Variants in ARRDC3 observed in about 807,000 individuals in gnomAD.
ARRDC3 encodes the protein arrestin domain-containing protein 3.
Under a neutral mutation model 47.2 loss-of-function variants are expected in ARRDC3, and 10 were observed. That is an observed-to-expected ratio of 0.21 (90% CI 0.13 to 0.36). ARRDC3 has a LOEUF of 0.36. Among genes scored for constraint, ARRDC3 ranks in the 10% least tolerant of loss-of-function variants. The pLI is 1.00. For synonymous variants in ARRDC3, 156 were observed against 178.3 expected, an observed-to-expected ratio of 0.87 and a Z score of 1.00; for missense variants, 381 against 503.6, an observed-to-expected ratio of 0.76 and a Z score of 2.33.
In ARRDC3 at chr5:91,379,529, A is replaced by T. The variant is rs527996152; in HGVS notation, c.281-754T>A. ...TTTTCCAACATCCTTGAAAAAAATG[A>T]AGTCTAACTATTAATAGTTTCCAGT... On this transcript the variant is annotated intron_variant, in intron 1 of 7. Transcript: ENST00000265138. Among the ~76,000 whole-genome samples the T allele has an allele frequency of 5.3e-5, 8 of 152,274 alleles. No individual in the cohort carries two copies. The South Asian group carries it at 8.3e-4, about 16-fold the overall frequency.
chr5:91,372,857 A>G (rs1192556913), intron 7 of ARRDC3, among the ~76,000 whole-genome samples: 2 of 152,218 alleles, frequency 1.3e-5, no homozygotes, highest in Non-Finnish European at 2.9e-5. Flanking sequence ...TTATTTTGGT[A>G]TCAAAACCAA....
rs199742825 is a variant in ARRDC3, at chr5:91,374,957, C to G, written c.835G>C (p.Asp279His). 1.5e-5 allele frequency: 24 copies of G among 1,614,162 alleles called. No individual in the cohort carries two copies. The highest frequency in any genetic ancestry group is 1.9e-5 in the Non-Finnish European group (23 of 1,180,012). ...TATTCCACGCGGATTATACTACAGTCGAGGATAGAGGGAGAAACTGGTGGA... is the reference window on the plus strand; with the variant it reads ...TATTCCACGCGGATTATACTACAGTGGAGGATAGAGGGAGAAACTGGTGGA... ...KIPPVSPSIL[D>H]CSIIRVEYSL... Residue 279 changes from aspartate (D) to histidine (H), a missense_variant, in exon 5 of 8, where the codon GAC (aspartate) becomes CAC (histidine). Coordinates refer to ENST00000265138, the MANE Select transcript of ARRDC3 (RefSeq NM_020801.4).
At position 91,374,109 on chromosome 5, in the gene ARRDC3, A is replaced by G. The variant is rs774572344; in HGVS notation, c.1033+5T>C. On this transcript the variant is annotated splice_donor_5th_base_variant and intron_variant, in intron 6 of 7. Transcript: ENST00000265138. The stretch of plus-strand genomic sequence containing the variant: ...ATTAAGCTTAGACGTGTATTATCAA[A>G]TTACCTTCAGGTCTTTCAGGAAGTG... 27 of 1,609,988 alleles carry G rather than the reference A, an allele frequency of 1.7e-5. No individual in the cohort carries two copies. In the Admixed American group the frequency reaches 1.9e-4, roughly 11 times the overall value.
At chr5:91,377,859 T>A (rs1799341416) in intron 2 of ARRDC3, among the ~76,000 whole-genome samples, 3 of 151,950 alleles carry the variant, frequency 2.0e-5, no homozygotes, top group African/African-American at 7.2e-5. Flanking sequence ...ATTTATGACT[T>A]CTCTCTCTAT....
At chr5:91,381,592 C>T (rs1333176553) in intron 1 of ARRDC3, among the ~76,000 whole-genome samples, 1 of 152,196 alleles carries the variant, frequency 6.6e-6, no homozygotes, top group East Asian at 1.9e-4. Flanking sequence ...TACTGTCCCT[C>T]AAAGCATCCT....
intron 1 of ARRDC3, among the ~76,000 whole-genome samples, chr5:91,381,800 C>A (rs1799463631): frequency 6.6e-6 from 1 of 152,164 alleles, no homozygotes; most frequent in African/African-American, 2.4e-5. Flanking sequence ...GGAATTAAGT[C>A]ATCGCCACCA....
At chr5:91,373,662 T>C (rs772090081) in intron 7 of ARRDC3, 22 bp downstream of exon 7, 2 of 1,584,586 alleles carry the variant, frequency 1.3e-6, no homozygotes, top group East Asian at 2.2e-5. Flanking sequence ...GTTCATTTCA[T>C]ACTTAAGGAG....
chr5:91,368,998 C>G lies in ARRDC3; in HGVS notation c.*2402G>C, dbSNP rs189701896. ...ATCTATCTTGAATACTGGAATACAA[C>G]TGTGAACCTCACATCTTATGTCAGG... On this transcript the variant is annotated 3_prime_UTR_variant, in exon 8 of 8. Transcript: ENST00000265138. 500 of 152,694 alleles carry G rather than the reference C, an allele frequency of 3.3e-3. 2 individuals carry two copies. The highest frequency in any genetic ancestry group is 0.011 in the African/African-American group (466 of 41,546). The allele number at this position is 152,694 out of a possible 1,614,324, so 9.5% of individuals were successfully genotyped here.
At chr5:91,375,807 C>T (rs7718871) in intron 3 of ARRDC3, among the ~76,000 whole-genome samples, 194 bp from the exon 4 acceptor site, 47,434 of 151,376 alleles carry the variant, frequency 0.31, 10,425 homozygotes, top group African/African-American at 0.61. Flanking sequence ...CTTTTATTTT[C>T]ATATAAATTT....
chr5:91,371,317 G>A lies in ARRDC3; in HGVS notation c.*83C>T, dbSNP rs1013733743. ...AAAGTAATTCCACTTCCTCTGAAAC[G>A]TGTCTCCAAGATACTTCTCTGTCCT... On this transcript the variant is annotated 3_prime_UTR_variant, in exon 8 of 8. Transcript: ENST00000265138. 18 of 1,223,634 alleles carry A rather than the reference G, an allele frequency of 1.5e-5. No individual in the cohort carries two copies. Among genetic ancestry groups the A allele is most frequent in the Middle Eastern group, 3.9e-4 (2 of 5,190 alleles). The allele number at this position is 1,223,634 out of a possible 1,614,324, so 75.8% of individuals were successfully genotyped here. A position where few individuals can be genotyped will look rare whatever the true frequency, so the allele number is the denominator to read the frequency against.
rs1460213001 is a variant in ARRDC3, at chr5:91,373,790, T to C, written c.1082A>G (p.Asn361Ser). ...EVVTEEQRRN[N>S]LAPVSACDDF... The stretch of plus-strand genomic sequence containing the variant: ...ATCACAAGCACTCACTGGTGCAAGA[T>C]TGTTCCGCCTTTGTTCCTCTGTTAC... The change falls in exon 7 of 8, where the codon AAT becomes AGT. Residue 361 changes from asparagine to serine, a missense_variant. Coordinates refer to ENST00000265138, the MANE Select transcript of ARRDC3 (RefSeq NM_020801.4). The C allele has an allele frequency of 3.1e-6, 5 of 1,614,096 alleles. No homozygotes were observed. The highest frequency in any genetic ancestry group is 2.2e-5 in the East Asian group (1 of 44,876).
intron 1 of ARRDC3, among the ~76,000 whole-genome samples, chr5:91,382,526 CAG>C (rs1241023657): frequency 6.6e-6 from 1 of 152,202 alleles, no homozygotes; most frequent in African/African-American, 2.4e-5. Context: ...TGGATTCAAA[CAG>C]AATTTATAAG....
chr5:91,380,742 G>C (rs1170571414), intron 1 of ARRDC3: 2 of 152,340 alleles, frequency 1.3e-5, no homozygotes, highest in Non-Finnish European at 2.9e-5. Context: ...ATCTGAAAAG[G>C]ATTTTCTGCT....
chr5:91,373,729 T>C lies in ARRDC3; in HGVS notation c.1143A>G (p.Ala381=), dbSNP rs371984244. ...FERALQGPLF[A]YIQEFRFLPP... ...GCAAGAATCGAAACTCCTGGATATA[T>C]GCAAACAGTGGTCCTTGAAGGGCTC... The change falls in exon 7 of 8, where the codon GCA becomes GCG. Residue 381 remains alanine, a synonymous_variant. Transcript: ENST00000265138. 6.2e-7 allele frequency: 1 copy of C among 1,614,098 alleles called. No individual in the cohort carries two copies. Among genetic ancestry groups the C allele is most frequent in the South Asian group, 1.1e-5 (1 of 91,084 alleles).
intron 3 of ARRDC3, among the ~76,000 whole-genome samples, chr5:91,375,906 C>CA (rs879827926): frequency 1.3e-5 from 2 of 151,810 alleles, no homozygotes; most frequent in African/African-American, 2.4e-5. Flanking sequence ...ATATAGTAAT[C>CA]AAAAACCAAC....
At chr5:91,382,685 TC>T in intron 1 of ARRDC3, 127 bp downstream of exon 1, 2 of 1,054,066 alleles carry the variant, frequency 1.9e-6, no homozygotes, top group Non-Finnish European at 1.4e-6. Context: ...ATCCAAACCT[TC>T]CAACTTTGCT....
Position 91,383,238 on chromosome 5 carries a change from T to C in ARRDC3, c.-146A>G, listed in dbSNP as rs1385155458. ...TCAGTGATTCTCTACAAATAGTTCATTGAGATTTCTTAAAAAGTCAGGGCA... is the reference window on the plus strand; with the variant it reads ...TCAGTGATTCTCTACAAATAGTTCACTGAGATTTCTTAAAAAGTCAGGGCA... On this transcript the variant is annotated 5_prime_UTR_variant, in exon 1 of 8. An upstream start codon of the reference 5' UTR is lost. Coordinates refer to ENST00000265138, the MANE Select transcript of ARRDC3 (RefSeq NM_020801.4). 6 of 751,540 alleles carry C rather than the reference T, an allele frequency of 8.0e-6. No individual in the cohort carries two copies. The highest frequency in any genetic ancestry group is 1.2e-5 in the Non-Finnish European group (6 of 485,974). 46.6% of individuals were successfully genotyped at this position (751,540 alleles called of 1,614,324 possible). A position where few individuals can be genotyped will look rare whatever the true frequency, so the allele number is the denominator to read the frequency against.
chr5:91,376,513 AG>A, intron 3 of ARRDC3, 107 bp downstream of exon 3: 1 of 1,018,402 alleles, frequency 9.8e-7, no homozygotes, highest in Admixed American at 3.0e-5. Flanking sequence ...AAATTTTAAA[AG>A]AAAACCAGTA....
chr5:91,375,082 T>C lies in ARRDC3; in HGVS notation c.710A>G (p.Lys237Arg). The C allele has an allele frequency of 6.2e-7, 1 of 1,614,204 alleles. No homozygotes were observed. The highest frequency in any genetic ancestry group is 8.5e-7 in the Non-Finnish European group (1 of 1,180,018). The change falls in exon 5 of 8, where the codon AAA becomes AGA. Residue 237 changes from lysine (K) to arginine (R), a missense_variant. Coordinates refer to ENST00000265138, the MANE Select transcript of ARRDC3 (RefSeq NM_020801.4). ...AIYQTQAFYA[K>R]GKMKEVKQLV... is the part of the protein sequence containing the mutation. ...CTGTTTTACTTCCTTCATTTTCCCT[T>C]TGGCATAGAAGGCCTGTGTTTGGTA...
Sources: gnomAD v4.1 joint callset for allele counts (sites outside exome capture counted in the v4.1 genomes callset) on GRCh38, gnomAD v4.1.1 for gene constraint, MANE v1.5 for transcripts, NCBI Gene and HGNC (gene_info 2026-07-23, HGNC 2026-07-21) for gene names.